Variants in PZP observed in about 807,000 individuals in gnomAD.
PZP encodes pregnancy zone protein.
Under a neutral mutation model 179.8 loss-of-function variants are expected in PZP, and 150 were observed. The observed-to-expected ratio is 0.83, with a 90% CI of 0.73 to 0.96. PZP has a LOEUF of 0.96. PZP is among the 40% of genes least tolerant of loss of function. PZP has a pLI of 0.00. For missense variants in PZP, 1,689 were observed against 1,764.0 expected (o/e 0.96, Z 0.76); for synonymous variants, 624 against 652.3 (o/e 0.96, Z 0.66).
chr12:9,152,442 C>T (rs1221562706), intron 31 of PZP, 132 bp from the exon 32 acceptor site: 2 of 685,184 alleles, frequency 2.9e-6, no homozygotes, highest in Admixed American at 2.4e-5. Context: ...GTCTGTGTTC[C>T]CTGGACTTGT....
Position 9,169,611 on chromosome 12 carries a change from A to T in PZP, c.1840-20T>A. ...ATATACCTGTAGCAGTGGGGGGATC[A>T]AAGGCAGAACTGTTACTTACTTTTC... On this transcript the variant is annotated intron_variant, in intron 15 of 35. Coordinates refer to ENST00000261336, the MANE Select transcript of PZP (RefSeq NM_002864.3). 6.4e-7 allele frequency: 1 copy of T among 1,574,126 alleles called. No individual in the cohort carries two copies. Among genetic ancestry groups the T allele is most frequent in the Non-Finnish European group, 8.6e-7 (1 of 1,164,078 alleles).
At position 9,164,179 on chromosome 12, in the gene PZP, T is replaced by C; in HGVS notation, c.2568A>G (p.Gly856=). 6.2e-7 allele frequency: 1 copy of C among 1,610,476 alleles called. No individual in the cohort carries two copies. Among genetic ancestry groups the C allele is most frequent in the African/African-American group, 1.3e-5 (1 of 74,972 alleles). Residue 856 remains glycine, a synonymous_variant, in exon 20 of 36, where the codon GGA becomes GGG. Transcript: ENST00000261336. ...TCCAAGACAAGGTTTGTCTCTCATTTCCACAGATACAATAGGATTCTTCTC... is the reference window on the plus strand; with the variant it reads ...TCCAAGACAAGGTTTGTCTCTCATTCCCACAGATACAATAGGATTCTTCTC... The part of the protein sequence containing the change: ...TKGEESYCIC[G]NERQTLSWTV...
intron 25 of PZP, among the ~76,000 whole-genome samples, chr12:9,159,083 G>T (rs1940984231): frequency 6.6e-6 from 1 of 152,040 alleles, no homozygotes; most frequent in Non-Finnish European, 1.5e-5. Flanking sequence ...AGAGAGAAAG[G>T]ATATCATCTA....
chr12:9,154,565 T>A (rs781274053), intron 29 of PZP, 51 bp downstream of exon 29: 3 of 1,532,114 alleles, frequency 2.0e-6, no homozygotes, highest in Non-Finnish European at 2.7e-6. Context: ...CTTTTAAGCC[T>A]CCCAATTGCC....
downstream of PZP, among the ~76,000 whole-genome samples, chr12:9,148,625 C>T (rs75613484): frequency 0.01 from 1,525 of 152,206 alleles, 26 homozygotes; most frequent in African/African-American, 0.035. Context: ...TATATTACCA[C>T]GTTTATATTA....
chr12:9,194,685 C>T (rs866570348), intron 10 of PZP, among the ~76,000 whole-genome samples: 2 of 152,052 alleles, frequency 1.3e-5, no homozygotes, highest in African/African-American at 2.4e-5. Context: ...AGGATGGTCT[C>T]GATCGCCTGA....
chr12:9,163,855 A>C, intron 20 of PZP, 66 bp from the exon 21 acceptor site: 2 of 1,506,228 alleles, frequency 1.3e-6, no homozygotes, highest in Non-Finnish European at 1.8e-6. Context: ...TAAGGGCTGC[A>C]CCTTAAACTT....
At position 9,154,785 on chromosome 12, in the gene PZP, A is replaced by G; in HGVS notation, c.3605T>C (p.Leu1202Pro). The G allele has an allele frequency of 6.2e-7, 1 of 1,614,112 alleles. No individual in the cohort carries two copies. The highest frequency in any genetic ancestry group is 1.1e-5 in the South Asian group (1 of 91,064). Residue 1202 changes from leucine (L) to proline (P), a missense_variant, in exon 29 of 36, where the codon CTT (leucine) becomes CCT (proline). By Grantham distance (98) the Leu-to-Pro change is moderately conservative. Transcript: ENST00000261336. ...PQRPKAPVGH[L>P]YQTQAPSAEV... is the part of the protein sequence containing the mutation. Reference sequence around the variant, plus strand: ...AGCAGAGGGAGCCTGGGTTTGGTAAAGATGCCCCACTGGTGCCTTGGGTCT... The same window carrying G: ...AGCAGAGGGAGCCTGGGTTTGGTAAGGATGCCCCACTGGTGCCTTGGGTCT...
chr12:9,185,658 G>A (rs1184741163), intron 13 of PZP, among the ~76,000 whole-genome samples: 2 of 149,818 alleles, frequency 1.3e-5, no homozygotes, highest in Non-Finnish European at 1.5e-5. Context: ...TGAAATGAAT[G>A]AAAAAAAAAA....
intron 22 of PZP, chr12:9,162,252 ACAC>A: frequency 5.3e-6 from 1 of 190,138 alleles, no homozygotes; most frequent in Non-Finnish European, 1.1e-5. Context: ...GTGAGCCACC[ACAC>A]CCGGCTAACC....
In PZP at chr12:9,169,436, G is replaced by A. The variant is rs746433080; in HGVS notation, c.1995C>T (p.Phe665=). 12 of 1,592,492 alleles carry A rather than the reference G, an allele frequency of 7.5e-6. No homozygotes were observed. In the South Asian group the frequency reaches 1.4e-4, roughly 18 times the overall value. The change falls in exon 16 of 36, where the codon TTC becomes TTT. Residue 665 remains phenylalanine (F), a synonymous_variant. Transcript: ENST00000261336. ...LSSNEADIYS[F]LKGMGLKVFT... is the part of the protein sequence containing the mutation. ...TAAGTAGTGAGAATTTTACCTTGAG[G>A]AAGCTATAAATATCTGCTTCATTAC...
At chr12:9,165,507 A>C in intron 18 of PZP, 140 bp from the exon 19 acceptor site, 5 of 934,954 alleles carry the variant, frequency 5.3e-6, no homozygotes, top group African/African-American at 1.7e-5. Context: ...TGTGAACACT[A>C]GATTATGTCC....
chr12:9,149,339 A>G (rs1390803881), intron 35 of PZP, among the ~76,000 whole-genome samples: 2 of 152,248 alleles, frequency 1.3e-5, no homozygotes, highest in Non-Finnish European at 2.9e-5. Context: ...TAGCTGTCCT[A>G]CAAATAAACA....
chr12:9,205,071 T>G (rs1392391494), intron 1 of PZP, among the ~76,000 whole-genome samples: 2 of 152,256 alleles, frequency 1.3e-5, no homozygotes, highest in South Asian at 2.1e-4. Flanking sequence ...GCTTTCAGAG[T>G]GACAGAGTGA....
At chr12:9,163,867 T>C in intron 20 of PZP, 78 bp from the exon 21 acceptor site, 20 of 1,484,042 alleles carry the variant, frequency 1.3e-5, no homozygotes, top group South Asian at 2.6e-5. Flanking sequence ...CTTAAACTTA[T>C]AGTTGTCCAG....
Position 9,160,150 on chromosome 12 carries a change from T to G in PZP, c.3050-125A>C, listed in dbSNP as rs188216217. On this transcript the variant is annotated intron_variant, in intron 24 of 35. Transcript: ENST00000261336. ...CCTTCTGTGATCTGCCATAGTTTTG[T>G]GAATGTTATGGATAGATCAAACACA... 2,919 of 1,151,466 alleles carry G rather than the reference T, an allele frequency of 2.5e-3. 11 individuals are homozygous for G. The highest frequency in any genetic ancestry group is 2.6e-3 in the Non-Finnish European group (2,057 of 792,982). 71.3% of individuals were successfully genotyped at this position (1,151,466 alleles called of 1,614,324 possible).
chr12:9,194,144 T>C lies in PZP; in HGVS notation c.1187A>G (p.Asn396Ser), dbSNP rs199702430. The change falls in exon 11 of 36, where the codon AAT becomes AGT. Residue 396 changes from asparagine to serine, a missense_variant. Around this residue, in one of 3 missense-constraint regions of PZP, gnomAD observed 742 missense variants for 730.5 expected, o/e 1.02. Coordinates refer to ENST00000261336, the MANE Select transcript of PZP (RefSeq NM_002864.3). ...TGAAAACTGTGCAAGACCCTGCTCA[T>C]TGGTGGTTGCATTGGAGTAATAATT... is the stretch of plus-strand genomic sequence containing the variant. ...DANYYSNATT[N>S]EQGLAQFSIN... 1.9e-6 allele frequency: 3 copies of C among 1,614,038 alleles called. No homozygotes were observed. Among genetic ancestry groups the C allele is most frequent in the Admixed American group, 3.3e-5 (2 of 60,012 alleles).
intron 13 of PZP, among the ~76,000 whole-genome samples, chr12:9,190,916 T>C (rs1482514773): frequency 6.6e-6 from 1 of 152,206 alleles, no homozygotes; most frequent in Non-Finnish European, 1.5e-5. Flanking sequence ...ATTTGTTCTT[T>C]TATCATAGAG....
intron 26 of PZP, 55 bp downstream of exon 26, chr12:9,158,365 C>T (rs751952345): frequency 4.4e-6 from 7 of 1,598,888 alleles, no homozygotes; most frequent in African/African-American, 1.3e-5. Flanking sequence ...CCCTTCACCC[C>T]TGGGGGATGT....
Sources: gnomAD v4.1 joint callset for allele counts (sites outside exome capture counted in the v4.1 genomes callset) on GRCh38, gnomAD v4.1.1 for gene constraint, gnomAD v4.1.1 regional missense constraint, MANE v1.5 for transcripts, NCBI Gene and HGNC (gene_info 2026-07-23, HGNC 2026-07-21) for gene names.